Variants in PTH2R observed in about 807,000 individuals in gnomAD.
PTH2R encodes the protein PTH2 receptor.
Under a neutral mutation model 60.3 loss-of-function variants are expected in PTH2R, and 59 were observed. The ratio of observed to expected loss-of-function variants is 0.98; its 90% CI spans 0.79 to 1.22. The LOEUF (loss-of-function observed/expected upper bound fraction) is 1.22, where lower values mean the gene tolerates loss of function less well. Ranked by LOEUF, PTH2R falls within the 50% of genes most tolerant of loss-of-function variation. The pLI is 0.00. For synonymous variants in PTH2R, 256 were observed against 243.8 expected, an observed-to-expected ratio of 1.05 and a Z score of -0.47; for missense variants, 749 against 682.6, an observed-to-expected ratio of 1.10 and a Z score of -1.08.
intron 8 of PTH2R, among the ~76,000 whole-genome samples, chr2:208,455,043 T>G (rs1702482835): frequency 6.6e-6 from 1 of 152,240 alleles, no homozygotes; most frequent in Non-Finnish European, 1.5e-5. Flanking sequence ...CCCTCAGTTC[T>G]AAAACTTGCT....
At chr2:208,443,714 C>T (rs945325986) in intron 6 of PTH2R, among the ~76,000 whole-genome samples, 177 bp downstream of exon 6, 1 of 152,114 alleles carries the variant, frequency 6.6e-6, no homozygotes, top group Non-Finnish European at 1.5e-5. Flanking sequence ...CATGTCTAAT[C>T]AATCATTTTA....
upstream of PTH2R, among the ~76,000 whole-genome samples, chr2:208,403,008 A>T (rs1002468021): frequency 6.6e-6 from 1 of 152,222 alleles, no homozygotes; most frequent in African/African-American, 2.4e-5. Flanking sequence ...TTCCTCATCT[A>T]AATAGGTACT....
intron 10 of PTH2R, among the ~76,000 whole-genome samples, chr2:208,488,058 A>C (rs1465459238): frequency 6.6e-6 from 1 of 152,216 alleles, no homozygotes; most frequent in African/African-American, 2.4e-5. Flanking sequence ...GGGATCATGG[A>C]AGCCCACTTA....
chr2:208,450,791 C>G lies in PTH2R; in HGVS notation c.896C>G (p.Ala299Gly). 7 of 1,613,970 alleles carry G rather than the reference C, an allele frequency of 4.3e-6. No individual in the cohort carries two copies. Among genetic ancestry groups the G allele is most frequent in the Non-Finnish European group, 5.1e-6 (6 of 1,179,892 alleles). Residue 299 changes from alanine (A) to glycine (G), a missense_variant, in exon 8 of 13, where the codon GCA becomes GGA. Coordinates refer to ENST00000272847, the MANE Select transcript of PTH2R (RefSeq NM_005048.4). ...AFVAAWAVARATLADARCWEL... is the reference protein window; with the variant it reads ...AFVAAWAVARGTLADARCWEL... ...GTTGCAGCATGGGCTGTGGCACGAG[C>G]AACTCTGGCTGATGCGAGGTGAGTG...
chr2:208,372,683 G>A (rs1700723767), intron 1 of PTH2R, among the ~76,000 whole-genome samples: 1 of 152,040 alleles, frequency 6.6e-6, no homozygotes, highest in Non-Finnish European at 1.5e-5. Flanking sequence ...CTAGGCAATA[G>A]TTACAACTTT....
intron 4 of PTH2R, among the ~76,000 whole-genome samples, chr2:208,441,047 T>C (rs905222578): frequency 4.6e-5 from 7 of 152,134 alleles, no homozygotes; most frequent in Non-Finnish European, 8.8e-5. Flanking sequence ...ACAAATCCCC[T>C]AGAGATGCAT....
intron 1 of PTH2R, among the ~76,000 whole-genome samples, chr2:208,384,602 A>C (rs1275175307): frequency 6.6e-6 from 1 of 152,224 alleles, no homozygotes; most frequent in Non-Finnish European, 1.5e-5. Flanking sequence ...AAACACACAC[A>C]GTTTTCTTTT....
chr2:208,401,445 G>GTT (rs796961634), intron 1 of PTH2R, among the ~76,000 whole-genome samples: 10 of 142,958 alleles, frequency 7.0e-5, no homozygotes, highest in African/African-American at 2.5e-4. Context: ...TTGCAAAAAG[G>GTT]TTTTTTTTTT....
intron 1 of PTH2R, among the ~76,000 whole-genome samples, chr2:208,408,404 G>A (rs771207430): frequency 4.6e-5 from 7 of 152,084 alleles, no homozygotes; most frequent in African/African-American, 9.7e-5. Flanking sequence ...TATCTCATAA[G>A]ATATTTGGAT....
At chr2:208,389,233 C>CAG (rs1429880340) in intron 1 of PTH2R, among the ~76,000 whole-genome samples, 1 of 135,782 alleles carries the variant, frequency 7.4e-6, no homozygotes, top group Admixed American at 6.9e-5. Flanking sequence ...TGCATACACA[C>CAG]ACACACACAC....
intron 8 of PTH2R, among the ~76,000 whole-genome samples, chr2:208,451,302 C>T (rs1180836020): frequency 6.6e-6 from 1 of 152,126 alleles, no homozygotes; most frequent in African/African-American, 2.4e-5. Flanking sequence ...CACATACTTC[C>T]TCATAGAGAT....
rs777592078 is a variant in PTH2R at position 208,493,565 on chromosome 2, A to G, written c.1559A>G (p.Gln520Arg). 1.9e-6 allele frequency: 3 copies of G among 1,613,596 alleles called. No homozygotes were observed. The highest frequency in any genetic ancestry group is 2.7e-5 in the African/African-American group (2 of 75,058). ...GAGACCAAGGAAGATAGTGGGAGGC[A>G]GGGAGATGATATTCTAATGGAGAAG... ...HEETKEDSGR[Q>R]GDDILMEKPS... Residue 520 changes from glutamine to arginine, a missense_variant, in exon 13 of 13, where the codon CAG becomes CGG. Coordinates refer to ENST00000272847, the MANE Select transcript of PTH2R (RefSeq NM_005048.4).
In PTH2R at chr2:208,459,976, T is replaced by C; in HGVS notation, c.981+15T>C. 6.2e-7 allele frequency: 1 copy of C among 1,607,718 alleles called. No homozygotes were observed. The highest frequency in any genetic ancestry group is 8.5e-7 in the Non-Finnish European group (1 of 1,177,182). ...CAGCTATTGGGGTAAGTTTAAAAGT[T>C]TGTATAGTTAAAAAAGGGATGAAAA... On this transcript the variant is annotated intron_variant, in intron 9 of 12. Transcript: ENST00000272847.
At chr2:208,470,976 C>A (rs1207025349) in intron 9 of PTH2R, among the ~76,000 whole-genome samples, 1 of 152,106 alleles carries the variant, frequency 6.6e-6, no homozygotes, top group Non-Finnish European at 1.5e-5. Context: ...CTCTTGTTAT[C>A]TTTTATCAAA....
At chr2:208,445,807 TAAG>T (rs1473146827) in intron 7 of PTH2R, among the ~76,000 whole-genome samples, 1 of 152,204 alleles carries the variant, frequency 6.6e-6, no homozygotes, top group Admixed American at 6.5e-5. Flanking sequence ...TAATAACCTT[TAAG>T]AAGACAAAGA....
chr2:208,403,280 T>C (rs1701343140), upstream of PTH2R, among the ~76,000 whole-genome samples: 1 of 152,174 alleles, frequency 6.6e-6, no homozygotes, highest in African/African-American at 2.4e-5. Flanking sequence ...ATGCTATACA[T>C]ATGTAGGGAT....
intron 1 of PTH2R, among the ~76,000 whole-genome samples, chr2:208,426,362 G>A (rs1701857973): frequency 6.6e-6 from 1 of 152,172 alleles, no homozygotes; most frequent in Non-Finnish European, 1.5e-5. Flanking sequence ...ACTAGACATT[G>A]AAAATGTAAA....
rs1354270697 is a variant in PTH2R at position 208,444,957 on chromosome 2, A to G, written c.853+70A>G. The G allele has an allele frequency of 4.8e-6, 7 of 1,461,818 alleles. No individual in the cohort carries two copies. In the East Asian group the frequency reaches 1.4e-4, roughly 30 times the overall value. The allele number at this position is 1,461,818 out of a possible 1,614,324, so 90.6% of individuals were successfully genotyped here. ...TTGATGACATTCTGTCATGCCCATC[A>G]TTAGCATCCCTACAGCCATTTTCCT... is the stretch of plus-strand genomic sequence containing the variant. On this transcript the variant is annotated intron_variant, in intron 7 of 12. Coordinates refer to ENST00000272847, the MANE Select transcript of PTH2R (RefSeq NM_005048.4).
intron 1 of PTH2R, among the ~76,000 whole-genome samples, chr2:208,369,527 G>A (rs956500980): frequency 2.0e-5 from 3 of 151,776 alleles, no homozygotes; most frequent in Admixed American, 6.6e-5. Context: ...CACCATGCCC[G>A]GCTTATTTTT....
Sources: gnomAD v4.1 joint callset for allele counts (sites outside exome capture counted in the v4.1 genomes callset) on GRCh38, gnomAD v4.1.1 for gene constraint, MANE v1.5 for transcripts, NCBI Gene and HGNC (gene_info 2026-07-23, HGNC 2026-07-21) for gene names.